PDE1C: variants seen among roughly 807,000 people sequenced by gnomAD.
PDE1C encodes the protein phosphodiesterase 1C.
In PDE1C, 62 loss-of-function variants were observed where a neutral mutation model predicts 93.1. That is an observed-to-expected ratio of 0.67 (90% CI 0.54 to 0.82). The LOEUF is 0.82. PDE1C is among the 40% of genes least tolerant of loss of function. The probability of loss-of-function intolerance (pLI) is 0.00; values close to 1 mark genes in which losing one functional copy is unlikely to be tolerated. For missense variants in PDE1C, 742 were observed against 884.6 expected (o/e 0.84, Z 2.04); for synonymous variants, 325 against 310.1 (o/e 1.05, Z -0.50).
At chr7:31,917,934 T>C (rs1200008099) in intron 2 of PDE1C, among the ~76,000 whole-genome samples, 1 of 152,066 alleles carries the variant, frequency 6.6e-6, no homozygotes, top group Non-Finnish European at 1.5e-5. Flanking sequence ...ATGGAAAAAA[T>C]AACACTAGAG....
intron 1 of PDE1C, among the ~76,000 whole-genome samples, chr7:32,233,068 A>G (rs1367178789): frequency 6.6e-6 from 1 of 152,208 alleles, no homozygotes. Flanking sequence ...ACAGACATCA[A>G]CGTTGAGATG....
chr7:32,355,379 A>C (rs1585122710), intron 1 of PDE1C, among the ~76,000 whole-genome samples: 1 of 152,136 alleles, frequency 6.6e-6, no homozygotes, highest in African/African-American at 2.4e-5. Context: ...GGCAGTGCAC[A>C]CTCCAAACAT....
intron 1 of PDE1C, among the ~76,000 whole-genome samples, chr7:32,298,065 C>CTCTTT (rs1562660556): frequency 2.8e-4 from 6 of 21,174 alleles, no homozygotes; most frequent in Non-Finnish European, 4.9e-4. Context: ...TCTCTCTCTC[C>CTCTTT]CCTCTCTCTC....
At chr7:32,106,573 T>C (rs1798323386) in intron 3 of PDE1C, among the ~76,000 whole-genome samples, 1 of 152,022 alleles carries the variant, frequency 6.6e-6, no homozygotes, top group Non-Finnish European at 1.5e-5. Context: ...TCCTGTACAA[T>C]AACAGGGGAT....
intron 1 of PDE1C, among the ~76,000 whole-genome samples, chr7:32,391,859 T>G (rs938848589): frequency 6.6e-6 from 1 of 151,936 alleles, no homozygotes; most frequent in Non-Finnish European, 1.5e-5. Flanking sequence ...GGAAAATGTA[T>G]AGCTTTAAAT....
At chr7:32,144,351 C>G (rs981236916) in intron 3 of PDE1C, among the ~76,000 whole-genome samples, 2 of 152,176 alleles carry the variant, frequency 1.3e-5, no homozygotes, top group Non-Finnish European at 2.9e-5. Context: ...ATACTACCAG[C>G]TTGGCAGCCT....
intron 1 of PDE1C, among the ~76,000 whole-genome samples, chr7:32,395,793 A>T (rs1784830815): frequency 6.6e-6 from 1 of 152,248 alleles, no homozygotes; most frequent in African/African-American, 2.4e-5. Context: ...AAAATTTGTT[A>T]GAGATATAAT....
chr7:32,031,478 G>T (rs1209372221), intron 2 of PDE1C, among the ~76,000 whole-genome samples: 2 of 152,126 alleles, frequency 1.3e-5, no homozygotes, highest in Non-Finnish European at 2.9e-5. Flanking sequence ...CAACCCTTCA[G>T]AGAAAGGAGA....
the PDE1C span, among the ~76,000 whole-genome samples, chr7:31,746,068 C>T: frequency 7.2e-6 from 1 of 139,530 alleles, no homozygotes; most frequent in Non-Finnish European, 1.6e-5. Context: ...GGACAAACTT[C>T]TCCAACAGTG....
intron 1 of PDE1C, among the ~76,000 whole-genome samples, chr7:32,220,447 G>A (rs1035855029): frequency 2.0e-5 from 3 of 152,146 alleles, no homozygotes; most frequent in Admixed American, 6.5e-5. Flanking sequence ...TGGGAAAGCT[G>A]GGATTGAAAC....
In PDE1C at chr7:31,859,440, A is replaced by G. The variant is rs558179009; in HGVS notation, c.750+5502T>C. Among the ~76,000 whole-genome samples the G allele has an allele frequency of 1.3e-3, 180 of 136,036 alleles. 3 individuals are homozygous for G. The highest frequency in any genetic ancestry group is 4.2e-3 in the Middle Eastern group (1 of 236). The allele number at this position is 136,036 out of a possible 152,430, so 89.2% of individuals were successfully genotyped here. ...TAATATAGAATATATTATATATCCT[A>G]TAACTTTAATAATATAAATAATATA... is the stretch of plus-strand genomic sequence containing the variant. On this transcript the variant is annotated intron_variant, in intron 7 of 17. Transcript: ENST00000396191.
intron 1 of PDE1C, among the ~76,000 whole-genome samples, chr7:32,058,373 A>G (rs1794381853): frequency 6.6e-6 from 1 of 152,222 alleles, no homozygotes; most frequent in Non-Finnish European, 1.5e-5. Flanking sequence ...AGGCTCGTGT[A>G]GTTAACTACA....
At chr7:31,782,709 CCT>C in intron 16 of PDE1C, among the ~76,000 whole-genome samples, 2 of 152,298 alleles carry the variant, frequency 1.3e-5, no homozygotes, top group South Asian at 4.1e-4. Context: ...ACACAGAGTC[CCT>C]GACTCATGAT....
the PDE1C span, chr7:31,652,728 A>G: frequency 6.2e-7 from 1 of 1,613,852 alleles, no homozygotes; most frequent in African/African-American, 1.3e-5. Context: ...CTTGGAGAAC[A>G]GCACCAGGAT....
intron 9 of PDE1C, among the ~76,000 whole-genome samples, chr7:31,839,210 ATG>A (rs930675074): frequency 1.4e-5 from 2 of 144,712 alleles, no homozygotes; most frequent in Non-Finnish European, 3.0e-5. Flanking sequence ...ACATACGTAT[ATG>A]TGTGTATACA....
intron 3 of PDE1C, among the ~76,000 whole-genome samples, chr7:32,118,439 A>G (rs773174848): frequency 6.6e-6 from 1 of 152,254 alleles, no homozygotes; most frequent in Non-Finnish European, 1.5e-5. Flanking sequence ...TGAGGCTTAG[A>G]GCCGAGTTTG....
intron 1 of PDE1C, among the ~76,000 whole-genome samples, chr7:32,216,958 C>T (rs200386470): frequency 6.6e-6 from 1 of 152,104 alleles, no homozygotes; most frequent in Non-Finnish European, 1.5e-5. Context: ...GCAATGGGGG[C>T]GGTCACCCGC....
chr7:31,959,045 C>G (rs571355071), intron 2 of PDE1C, among the ~76,000 whole-genome samples: 1 of 152,226 alleles, frequency 6.6e-6, no homozygotes, highest in East Asian at 1.9e-4. Flanking sequence ...AAATAAGAGT[C>G]CCCAAAGCCT....
At chr7:32,370,494 G>T (rs935706572) in intron 1 of PDE1C, among the ~76,000 whole-genome samples, 27 of 150,884 alleles carry the variant, frequency 1.8e-4, no homozygotes, top group African/African-American at 6.6e-4. Context: ...CTAGGGACAT[G>T]GATGAAGCTG....
Sources: allele counts gnomAD v4.1 joint callset (sites outside exome capture counted in the v4.1 genomes callset), GRCh38; gene constraint gnomAD v4.1.1; transcripts MANE v1.5; gene names NCBI Gene and HGNC (gene_info 2026-07-23, HGNC 2026-07-21).